MARK1: variants seen among roughly 807,000 people sequenced by gnomAD.
MARK1 encodes the protein serine/threonine-protein kinase MARK1.
In MARK1, 40 loss-of-function variants were observed where a neutral mutation model predicts 96.3. That is an observed-to-expected ratio of 0.42 (90% CI 0.32 to 0.54). The LOEUF is 0.54. MARK1 is among the 20% of genes least tolerant of loss of function. The pLI, the probability that MARK1 is intolerant of heterozygous loss-of-function variation, is 0.16. For missense variants in MARK1, 719 were observed against 984.6 expected, an observed-to-expected ratio of 0.73 and a Z score of 3.61; for synonymous variants, 317 against 341.2, an observed-to-expected ratio of 0.93 and a Z score of 0.78.
chr1:220,607,195 C>T (rs1049752154), intron 6 of MARK1, among the ~76,000 whole-genome samples: 9 of 152,076 alleles, frequency 5.9e-5, no homozygotes, highest in African/African-American at 1.7e-4. Context: ...TCTTTTATTT[C>T]GTTGAGCAGT....
Position 220,636,002 on chromosome 1 carries a change from G to A in MARK1, c.1446G>A (p.Arg482=). ...MTASPLVGPE[R]KKSSTIPSNN... ...CAAGCCCTCTTGTAGGGCCAGAGAG[G>A]AAAAAATCTTCAACTATTCCAAGTG... is the stretch of plus-strand genomic sequence containing the variant. Residue 482 remains arginine, a synonymous_variant, in exon 13 of 18, where the codon AGG becomes AGA. Transcript: ENST00000366917. 6.2e-7 allele frequency: 1 copy of A among 1,608,234 alleles called. No individual in the cohort carries two copies. The highest frequency in any genetic ancestry group is 8.5e-7 in the Non-Finnish European group (1 of 1,178,072).
intron 16 of MARK1, among the ~76,000 whole-genome samples, chr1:220,655,866 C>T (rs1345189071): frequency 1.3e-5 from 2 of 152,142 alleles, no homozygotes; most frequent in Admixed American, 6.5e-5. Context: ...TCCATTTCTG[C>T]TCTGACCTCT....
chr1:220,625,213 A>G (rs1181727769), intron 9 of MARK1, among the ~76,000 whole-genome samples: 1 of 152,260 alleles, frequency 6.6e-6, no homozygotes. Context: ...CTACACAACT[A>G]ACTGTAATCA....
chr1:220,614,950 G>C (rs1454953141), intron 6 of MARK1, among the ~76,000 whole-genome samples: 2 of 151,588 alleles, frequency 1.3e-5, no homozygotes, highest in Admixed American at 6.6e-5. Flanking sequence ...ATCACCTTTA[G>C]ACTTTTAAAA....
chr1:220,591,443 A>C (rs2589593), intron 3 of MARK1, among the ~76,000 whole-genome samples: 1 of 152,136 alleles, frequency 6.6e-6, no homozygotes, highest in African/African-American at 2.4e-5. Flanking sequence ...TCTTCAGTAT[A>C]CTGTAATTTG....
rs1665857503 is a variant in MARK1 at position 220,603,279 on chromosome 1, A to G, written c.425-788A>G. Among the ~76,000 whole-genome samples the G allele has an allele frequency of 2.0e-5, 3 of 152,168 alleles. No individual in the cohort carries two copies. In the South Asian group the frequency reaches 6.2e-4, roughly 32 times the overall value. On this transcript the variant is annotated intron_variant, in intron 5 of 17. Coordinates refer to ENST00000366917, the MANE Select transcript of MARK1 (RefSeq NM_018650.5). Reference sequence around the variant, plus strand: ...TTAATTTAGTTTTAAGCTATTACTAACTAGAGAAAAAGGAGAAAAACTTAC... The same window carrying G: ...TTAATTTAGTTTTAAGCTATTACTAGCTAGAGAAAAAGGAGAAAAACTTAC...
At chr1:220,622,778 G>C (rs545903900) in intron 9 of MARK1, among the ~76,000 whole-genome samples, 2 of 152,046 alleles carry the variant, frequency 1.3e-5, no homozygotes, top group African/African-American at 4.8e-5. Context: ...CTAGCTACTC[G>C]GGAGGCTGAA....
At chr1:220,608,749 T>A (rs779342951) in intron 6 of MARK1, among the ~76,000 whole-genome samples, 17 of 152,226 alleles carry the variant, frequency 1.1e-4, no homozygotes, top group Non-Finnish European at 2.1e-4. Context: ...GATTCTGGTA[T>A]GTTGTGTCTT....
intron 5 of MARK1, among the ~76,000 whole-genome samples, chr1:220,602,888 T>C (rs1470702917): frequency 6.6e-6 from 1 of 152,094 alleles, no homozygotes; most frequent in Non-Finnish European, 1.5e-5. Flanking sequence ...AAAATGCAAT[T>C]TATTGAGTGC....
At chr1:220,553,426 C>G (rs181919958) in intron 1 of MARK1, among the ~76,000 whole-genome samples, 1 of 152,314 alleles carries the variant, frequency 6.6e-6, no homozygotes, top group East Asian at 1.9e-4. Context: ...TTCTTCATCA[C>G]CAGGTCCTAG....
At chr1:220,627,052 T>G in intron 9 of MARK1, 1 of 542,376 alleles carries the variant, frequency 1.8e-6, no homozygotes, top group South Asian at 1.4e-5. Flanking sequence ...GTCCTTCCAG[T>G]ATGACTAACC....
intron 3 of MARK1, among the ~76,000 whole-genome samples, chr1:220,586,246 G>A (rs868315307): frequency 2.0e-5 from 3 of 151,868 alleles, no homozygotes; most frequent in African/African-American, 4.8e-5. Context: ...CCTCTTCCCC[G>A]ACTCCTACAG....
chr1:220,555,324 A>G (rs563096274), intron 1 of MARK1, among the ~76,000 whole-genome samples: 225 of 152,364 alleles, frequency 1.5e-3, no homozygotes, highest in Non-Finnish European at 2.7e-3. Context: ...AAATAATCAC[A>G]TATGACTTAA....
chr1:220,583,814 A>ATTTTT (rs34848222), intron 3 of MARK1, among the ~76,000 whole-genome samples: 28 of 105,216 alleles, frequency 2.7e-4, no homozygotes, highest in Non-Finnish European at 3.0e-4. Context: ...TGCCTGGCTA[A>ATTTTT]TTTTTTTTTT....
chr1:220,541,907 T>C (rs1339249260), intron 1 of MARK1, among the ~76,000 whole-genome samples: 3 of 152,238 alleles, frequency 2.0e-5, no homozygotes, highest in Admixed American at 1.3e-4. Context: ...GGGAAGGACT[T>C]ACTATTGCCA....
At chr1:220,583,814 A>AT (rs34848222) in intron 3 of MARK1, among the ~76,000 whole-genome samples, 9,212 of 105,332 alleles carry the variant, frequency 0.087, 384 homozygotes, top group Middle Eastern at 0.1. Flanking sequence ...TGCCTGGCTA[A>AT]TTTTTTTTTT....
At chr1:220,606,423 A>T (rs1019389863) in intron 6 of MARK1, among the ~76,000 whole-genome samples, 9 of 152,190 alleles carry the variant, frequency 5.9e-5, no homozygotes, top group African/African-American at 2.2e-4. Context: ...TCTGGATATT[A>T]GCCCTTTGTC....
intron 13 of MARK1, among the ~76,000 whole-genome samples, chr1:220,640,544 C>G (rs1668209298): frequency 6.6e-6 from 1 of 152,144 alleles, no homozygotes; most frequent in East Asian, 1.9e-4. Context: ...TCACCCACAA[C>G]CATCACAGAC....
chr1:220,559,199 G>T lies in MARK1; in HGVS notation c.52-20155G>T, dbSNP rs145654966. The stretch of plus-strand genomic sequence containing the variant: ...GAGCTCTTGTGCATGTCAACATTTG[G>T]TGCTAGAGAAGAGCAGCAAAGGGCA... On this transcript the variant is annotated intron_variant, in intron 1 of 17. Coordinates refer to ENST00000366917, the MANE Select transcript of MARK1 (RefSeq NM_018650.5). Among the ~76,000 whole-genome samples, 87 of 152,316 alleles carry T rather than the reference G, an allele frequency of 5.7e-4. No individual in the cohort carries two copies. In the East Asian group the frequency reaches 8.9e-3, roughly 16 times the overall value.
Sources: gnomAD v4.1 joint callset for allele counts (sites outside exome capture counted in the v4.1 genomes callset) on GRCh38, gnomAD v4.1.1 for gene constraint, MANE v1.5 for transcripts, NCBI Gene and HGNC (gene_info 2026-07-23, HGNC 2026-07-21) for gene names.